CTDP1: variants seen among roughly 807,000 people sequenced by gnomAD.
CTDP1 encodes RNA polymerase II subunit A C-terminal domain phosphatase.
CTDP1 carries 47 observed loss-of-function variants against 91.8 expected under a neutral mutation model. The ratio of observed to expected loss-of-function variants is 0.51; its 90% CI spans 0.41 to 0.65. CTDP1 has a LOEUF of 0.65. Among genes scored for constraint, CTDP1 ranks in the 30% least tolerant of loss-of-function variants. The pLI is 0.00. For synonymous variants in CTDP1, 656 were observed against 598.5 expected (o/e 1.10, Z -1.40); for missense variants, 1,272 against 1,373.7 (o/e 0.93, Z 1.17).
At chr18:79,695,854 CTG>C in intron 2 of CTDP1, 121 bp from the exon 3 acceptor site, 2 of 805,788 alleles carry the variant, frequency 2.5e-6, no homozygotes, top group South Asian at 2.8e-5. Context: ...AGAATCAAGT[CTG>C]TGCTAAGATA....
At chr18:79,714,370 A>G in intron 7 of CTDP1, 121 bp from the exon 8 acceptor site, 1 of 1,165,594 alleles carries the variant, frequency 8.6e-7, no homozygotes, top group South Asian at 1.3e-5. Flanking sequence ...AAGGTTGCCA[A>G]GGCCTGGTCT....
Position 79,680,011 on chromosome 18 carries a change from G to T in CTDP1, c.64G>T (p.Val22Leu). ...CGCCCCGACGGCGGCTGTGGCCGAG[G>T]TGCGCTGCCCGGGGCCCGCGCCGCT... is the stretch of plus-strand genomic sequence containing the variant. The part of the protein sequence containing the change: ...EGAPTAAVAE[V>L]RCPGPAPLRL... The change falls in exon 1 of 13, where the codon GTG becomes TTG. Residue 22 changes from valine to leucine, a missense_variant. By Grantham distance (32) the Val-to-Leu change is conservative. This residue lies in a region of CTDP1 where 214 missense variants were observed against 179.1 expected (regional missense o/e 1.19). Coordinates refer to ENST00000613122, the MANE Select transcript of CTDP1 (RefSeq NM_004715.5). The T allele has an allele frequency of 7.6e-7, 1 of 1,307,892 alleles. No individual in the cohort carries two copies. Among genetic ancestry groups the T allele is most frequent in the Non-Finnish European group, 9.7e-7 (1 of 1,029,662 alleles). 81.0% of individuals were successfully genotyped at this position (1,307,892 alleles called of 1,614,324 possible).
chr18:79,724,064 G>A (rs990042086), intron 10 of CTDP1, among the ~76,000 whole-genome samples: 1 of 152,178 alleles, frequency 6.6e-6, no homozygotes, highest in Non-Finnish European at 1.5e-5. Context: ...CCTCTCATCC[G>A]AAAATCCAAA....
chr18:79,694,872 C>T (rs1016952141), intron 1 of CTDP1, among the ~76,000 whole-genome samples: 1 of 152,218 alleles, frequency 6.6e-6, no homozygotes, highest in East Asian at 1.9e-4. Flanking sequence ...AATTCTCTAA[C>T]GGAAATGTCA....
chr18:79,724,207 C>T (rs551345126), intron 10 of CTDP1, among the ~76,000 whole-genome samples: 66 of 152,288 alleles, frequency 4.3e-4, no homozygotes, highest in African/African-American at 1.5e-3. Flanking sequence ...ATGCTCAGCC[C>T]GTAAGTGTAA....
intron 3 of CTDP1, 122 bp from the exon 4 acceptor site, chr18:79,697,738 A>T (rs1335668180): frequency 1.4e-6 from 2 of 1,452,620 alleles, no homozygotes; most frequent in Non-Finnish European, 1.9e-6. Context: ...GGCGCAGTCC[A>T]TGGAGCGTGG....
At chr18:79,685,494 G>A (rs1346052264) in intron 1 of CTDP1, 2 of 152,194 alleles carry the variant, frequency 1.3e-5, no homozygotes, top group Non-Finnish European at 2.9e-5. Context: ...TGTGCCTTTA[G>A]CGTGTCCACA....
chr18:79,710,847 A>G (rs1426266942), intron 6 of CTDP1, among the ~76,000 whole-genome samples: 1 of 152,086 alleles, frequency 6.6e-6, no homozygotes, highest in Non-Finnish European at 1.5e-5. Flanking sequence ...CACCCGGCCT[A>G]GAGCAGTATT....
At chr18:79,742,028 A>T (rs373897293) in intron 12 of CTDP1, among the ~76,000 whole-genome samples, 2 of 152,314 alleles carry the variant, frequency 1.3e-5, no homozygotes, top group African/African-American at 4.8e-5. Flanking sequence ...GTGGAAGAGG[A>T]AATGCCGGGA....
At chr18:79,693,585 C>T (rs1046493290) in intron 1 of CTDP1, among the ~76,000 whole-genome samples, 14 of 152,122 alleles carry the variant, frequency 9.2e-5, no homozygotes, top group African/African-American at 3.1e-4. Flanking sequence ...CGTGAGTAAA[C>T]GCGGAATCCA....
chr18:79,717,180 TGGGCCCTGGTGGGGTGTAGCCGGGTGG>T (rs1323820177), intron 8 of CTDP1, among the ~76,000 whole-genome samples: 5 of 123,170 alleles, frequency 4.1e-5, no homozygotes, highest in African/African-American at 1.3e-4. Flanking sequence ...GTGAGGGCCC[TGGGCCCTGGTGGGGTGTAGCCGGGTGG>T]GGGCCCTGGT....
intron 5 of CTDP1, among the ~76,000 whole-genome samples, chr18:79,708,116 G>A (rs1050097380): frequency 1.3e-5 from 2 of 152,154 alleles, no homozygotes; most frequent in African/African-American, 2.4e-5. Flanking sequence ...ATCAGGGAAC[G>A]GAAAGCTCCT....
At chr18:79,721,437 G>T (rs779283977) in intron 10 of CTDP1, among the ~76,000 whole-genome samples, 5 of 152,054 alleles carry the variant, frequency 3.3e-5, no homozygotes, top group African/African-American at 1.2e-4. Flanking sequence ...GGTCTGTTCT[G>T]TACTGTCATT....
intron 1 of CTDP1, among the ~76,000 whole-genome samples, chr18:79,684,001 G>A (rs2085430921): frequency 1.3e-5 from 2 of 152,260 alleles, no homozygotes; most frequent in East Asian, 1.9e-4. Context: ...GGAATAACGG[G>A]AAGTATCTTT....
chr18:79,719,236 C>A (rs931073606), intron 10 of CTDP1, among the ~76,000 whole-genome samples: 1 of 152,138 alleles, frequency 6.6e-6, no homozygotes, highest in Non-Finnish European at 1.5e-5. Flanking sequence ...AGCGTGTGCC[C>A]CTCTCGGCTG....
intron 1 of CTDP1, among the ~76,000 whole-genome samples, chr18:79,693,244 G>GT (rs947374413): frequency 5.9e-5 from 9 of 151,760 alleles, no homozygotes; most frequent in Non-Finnish European, 7.4e-5. Flanking sequence ...GGGTTTGTGC[G>GT]TTTTTTTTGT....
At chr18:79,684,142 C>A (rs2085434626) in intron 1 of CTDP1, among the ~76,000 whole-genome samples, 1 of 152,230 alleles carries the variant, frequency 6.6e-6, no homozygotes, top group Admixed American at 6.5e-5. Flanking sequence ...ACCCCACTGG[C>A]CGCCGGCTGC....
At chr18:79,696,438 G>A (rs948774441) in intron 3 of CTDP1, among the ~76,000 whole-genome samples, 9 of 152,138 alleles carry the variant, frequency 5.9e-5, no homozygotes, top group Non-Finnish European at 8.8e-5. Context: ...GGAGGTGGCC[G>A]CGCTGCCGAG....
chr18:79,707,721 G>A (rs1473322881), intron 5 of CTDP1, among the ~76,000 whole-genome samples: 1 of 152,218 alleles, frequency 6.6e-6, no homozygotes, highest in Non-Finnish European at 1.5e-5. Flanking sequence ...CTGTGGTTCA[G>A]GAAGGCCGAG....
Sources: gnomAD v4.1 joint callset for allele counts (sites outside exome capture counted in the v4.1 genomes callset) on GRCh38, gnomAD v4.1.1 for gene constraint, gnomAD v4.1.1 regional missense constraint, MANE v1.5 for transcripts, NCBI Gene and HGNC (gene_info 2026-07-23, HGNC 2026-07-21) for gene names.